The following ATR variants were observed in gnomAD, a reference collection of about 807,000 sequenced individuals.
ATR encodes the protein ATR checkpoint kinase.
A neutral mutation model predicts 305.3 loss-of-function variants in ATR; 142 were observed. That is an observed-to-expected ratio of 0.47 (90% CI 0.41 to 0.53). The LOEUF (loss-of-function observed/expected upper bound fraction) is 0.53. Ranked by LOEUF, ATR falls within the 20% of genes least tolerant of loss-of-function variation. ATR has a pLI of 0.00. For missense variants in ATR, 2,135 were observed against 3,133.1 expected (o/e 0.68, Z 7.60); for synonymous variants, 1,050 against 1,068.1 (o/e 0.98, Z 0.33).
At position 142,566,941 on chromosome 3, in the gene ATR, G is replaced by A. The variant is rs113855782; in HGVS notation, c.152-680C>T. Among the ~76,000 whole-genome samples, 1,271 of 152,050 alleles carry A rather than the reference G, an allele frequency of 8.4e-3. 20 individuals carry two copies. Among genetic ancestry groups the A allele is most frequent in the African/African-American group, 0.028 (1,158 of 41,480 alleles). The stretch of plus-strand genomic sequence containing the variant: ...GTATTTTTAGTAGAGACAGGGTTTC[G>A]TCATGTTGGCCAGGCTGGTCTCAAA... On this transcript the variant is annotated intron_variant, in intron 2 of 46. Coordinates refer to ENST00000350721, the MANE Select transcript of ATR (RefSeq NM_001184.4).
chr3:142,574,437 G>T (rs2035371309), intron 1 of ATR, among the ~76,000 whole-genome samples: 1 of 136,238 alleles, frequency 7.3e-6, no homozygotes, highest in Non-Finnish European at 1.5e-5. Context: ...ACTCCAGCCT[G>T]AGCAACAGGT....
chr3:142,507,109 T>C (rs985394985), intron 28 of ATR, among the ~76,000 whole-genome samples: 3 of 152,176 alleles, frequency 2.0e-5, no homozygotes, highest in Non-Finnish European at 4.4e-5. Flanking sequence ...AACACAAAGA[T>C]AGGAAGGGGC....
chr3:142,537,658 TG>T (rs1216918609), intron 19 of ATR, among the ~76,000 whole-genome samples: 2 of 152,130 alleles, frequency 1.3e-5, no homozygotes, highest in Non-Finnish European at 2.9e-5. Context: ...CAATAGCATA[TG>T]GGTGAGTAGG....
chr3:142,527,344 G>A (rs2033438584), intron 21 of ATR, among the ~76,000 whole-genome samples: 1 of 151,778 alleles, frequency 6.6e-6, no homozygotes, highest in Non-Finnish European at 1.5e-5. Flanking sequence ...ATCTGGGCCT[G>A]GTGCTTTCCT....
At position 142,458,998 on chromosome 3, in the gene ATR, C is replaced by T. The variant is rs2108260039; in HGVS notation, c.7463G>A (p.Gly2488Asp). Residue 2488 changes from glycine to aspartate, a missense_variant, in exon 44 of 47, where the codon GGT becomes GAT. Gly to Asp is a moderately conservative substitution (Grantham distance 94). Around this residue, in one of 9 missense-constraint regions of ATR, gnomAD observed 462 missense variants for 887.6 expected, o/e 0.52. Transcript: ENST00000350721. ...ATTGAAATCTACATGTACGCATTCA[C>T]CAGTCAAAGAATCAAAGAGAATATT... ...GENILFDSLT[G>D]ECVHVDFNCL... 1.2e-6 allele frequency: 2 copies of T among 1,613,824 alleles called. No individual in the cohort carries two copies. Among genetic ancestry groups the T allele is most frequent in the Non-Finnish European group, 1.7e-6 (2 of 1,179,788 alleles).
chr3:142,518,736 A>AT (rs568688955), intron 24 of ATR, among the ~76,000 whole-genome samples: 85 of 152,202 alleles, frequency 5.6e-4, no homozygotes, highest in Non-Finnish European at 1.0e-3. Context: ...CAAAGAAGTT[A>AT]TTTGTCCAAA....
chr3:142,478,061 G>A (rs899582645), intron 36 of ATR, among the ~76,000 whole-genome samples: 3 of 151,958 alleles, frequency 2.0e-5, no homozygotes, highest in Non-Finnish European at 4.4e-5. Flanking sequence ...CATTGATTTT[G>A]TGAAGGGTTT....
At chr3:142,486,464 C>A (rs774263035) in intron 35 of ATR, among the ~76,000 whole-genome samples, 1 of 151,988 alleles carries the variant, frequency 6.6e-6, no homozygotes, top group Non-Finnish European at 1.5e-5. Flanking sequence ...TTTCTTCCTC[C>A]TTCCCTAACT....
rs2108432376 is a variant in ATR at position 142,538,528 on chromosome 3, G to A, written c.3679C>T (p.Pro1227Ser). The A allele has an allele frequency of 6.2e-7, 1 of 1,613,284 alleles. No individual in the cohort carries two copies. Among genetic ancestry groups the A allele is most frequent in the Non-Finnish European group, 8.5e-7 (1 of 1,179,490 alleles). ...TGGAAGATAGCTGCAGTTTCTTTAGGCTGGATGTGTATAAGAGGTAACAAA... is the reference window on the plus strand; with the variant it reads ...TGGAAGATAGCTGCAGTTTCTTTAGACTGGATGTGTATAAGAGGTAACAAA... ...VALLPLIHIQ[P>S]KETAAIFHYL... is the part of the protein sequence containing the mutation. The change falls in exon 19 of 47, where the codon CCT (proline) becomes TCT (serine). Residue 1227 changes from proline (P) to serine (S), a missense_variant. By Grantham distance (74) the Pro-to-Ser change is moderately conservative. Around this residue, in one of 9 missense-constraint regions of ATR, gnomAD observed 530 missense variants for 766.8 expected, o/e 0.69. Transcript: ENST00000350721.
chr3:142,550,224 G>A lies in ATR; in HGVS notation c.2884C>T (p.Gln962Ter). Reference protein sequence around the residue: ...TPCQNADVRKQDVAHQREMAL... With the variant: ...TPCQNADVRK ...ATTTCTCTCTGGTGAGCCACATCTT[G>A]TTTTCGCACGTCAGCATTCTGGCAT... The change falls in exon 14 of 47, where the codon CAA (glutamine) becomes TAA (stop). Residue 962 changes from glutamine to a stop codon, truncating the protein, a stop_gained. Coordinates refer to ENST00000350721, the MANE Select transcript of ATR (RefSeq NM_001184.4). LOFTEE classifies it high-confidence loss of function. The A allele has an allele frequency of 6.2e-7, 1 of 1,614,138 alleles. No individual in the cohort carries two copies. Among genetic ancestry groups the A allele is most frequent in the Non-Finnish European group, 8.5e-7 (1 of 1,179,996 alleles).
intron 21 of ATR, among the ~76,000 whole-genome samples, chr3:142,531,704 T>C (rs1177504058): frequency 2.0e-4 from 30 of 151,812 alleles, no homozygotes; most frequent in Admixed American, 1.8e-3. Flanking sequence ...TGAATAGTGC[T>C]GCAATAAACA....
intron 21 of ATR, among the ~76,000 whole-genome samples, chr3:142,526,299 T>C (rs1004651737): frequency 2.0e-5 from 3 of 152,244 alleles, no homozygotes; most frequent in South Asian, 2.1e-4. Flanking sequence ...GAAATGGAGA[T>C]AATTTTACAT....
At chr3:142,490,734 A>G (rs2031228243) in intron 35 of ATR, among the ~76,000 whole-genome samples, 1 of 152,036 alleles carries the variant, frequency 6.6e-6, no homozygotes, top group African/African-American at 2.4e-5. Context: ...CAGATATCCA[A>G]CTGTTCAAGT....
At position 142,462,642 on chromosome 3, in the gene ATR, G is replaced by A. The variant is rs144350853; in HGVS notation, c.7042-552C>T. 1.6e-3 allele frequency among the ~76,000 whole-genome samples: 249 copies of A among 151,966 alleles called. 5 individuals are homozygous for A. The East Asian group carries it at 0.042, about 26-fold the overall frequency. On this transcript the variant is annotated intron_variant, in intron 41 of 46. Transcript: ENST00000350721. ...TGCCACCACGCCCAGCTAATTTTTT[G>A]TATTTTTAGTAGAGACAGGGTTTCA...
At position 142,562,886 on chromosome 3, in the gene ATR, T is replaced by C; in HGVS notation, c.516A>G (p.Pro172=). The change falls in exon 4 of 47, where the codon CCA becomes CCG. Residue 172 remains proline (P), a synonymous_variant. Coordinates refer to ENST00000350721, the MANE Select transcript of ATR (RefSeq NM_001184.4). ...RNVMGHAVEW[P]VVMSRFLSQL... ...GACTTAAAAATCGGCTCATGACCAC[T>C]GGCCATTCCACAGCATGACCCATCA... 1 of 1,612,990 alleles carries C rather than the reference T, an allele frequency of 6.2e-7. No individual in the cohort carries two copies. Among genetic ancestry groups the C allele is most frequent in the Non-Finnish European group, 8.5e-7 (1 of 1,179,720 alleles).
At chr3:142,522,262 T>C (rs1222945305) in intron 23 of ATR, among the ~76,000 whole-genome samples, 1 of 152,210 alleles carries the variant, frequency 6.6e-6, no homozygotes, top group East Asian at 1.9e-4. Context: ...TGACAGACTA[T>C]AGTATAGTGT....
At chr3:142,506,449 T>C (rs1321594589) in intron 28 of ATR, among the ~76,000 whole-genome samples, 2 of 152,162 alleles carry the variant, frequency 1.3e-5, no homozygotes, top group African/African-American at 4.8e-5. Context: ...ATCCCAGCAC[T>C]TTGAGAGGCC....
rs769928724 is a variant in ATR, at chr3:142,550,258, C to T, written c.2850G>A (p.Pro950=). 38 of 1,613,972 alleles carry T rather than the reference C, an allele frequency of 2.4e-5. No homozygotes were observed. Among genetic ancestry groups the T allele is most frequent in the Admixed American group, 1.0e-4 (6 of 59,994 alleles). ...SLHSSQMTAL[P]NTPCQNADVR... ...CGTCAGCATTCTGGCATGGAGTATT[C>T]GGAAGTGCTGTCATCTGACTAGAGT... Residue 950 remains proline (P), a synonymous_variant, in exon 14 of 47, where the codon CCG becomes CCA. Transcript: ENST00000350721.
chr3:142,570,894 T>C (rs1160862714), intron 1 of ATR, among the ~76,000 whole-genome samples: 1 of 152,196 alleles, frequency 6.6e-6, no homozygotes, highest in Non-Finnish European at 1.5e-5. Context: ...GAGTTGGTGA[T>C]AACTAAAGAA....
Sources: gnomAD v4.1 joint callset for allele counts (sites outside exome capture counted in the v4.1 genomes callset) on GRCh38, gnomAD v4.1.1 for gene constraint, gnomAD v4.1.1 regional missense constraint, MANE v1.5 for transcripts, NCBI Gene and HGNC (gene_info 2026-07-23, HGNC 2026-07-21) for gene names.